RTL4: variants seen among roughly 807,000 people sequenced by gnomAD.
RTL4 encodes retrotransposon Gag like 4.
Under a neutral mutation model 5.3 loss-of-function variants are expected in RTL4, and 4 were observed. The observed-to-expected ratio is 0.75, with a 90% confidence interval of 0.37 to 1.72. The LOEUF is 1.72. RTL4 is among the 40% of genes most tolerant of loss of function. RTL4 has a pLI of 0.04. For missense variants in RTL4, 260 were observed against 227.1 expected (o/e 1.14, Z -0.93); for synonymous variants, 98 against 87.3 (o/e 1.12, Z -0.68).
At chrX:112,109,796 G>A in the RTL4 span, among the ~76,000 whole-genome samples, 1 of 111,504 alleles carries the variant, frequency 9.0e-6, no homozygotes, top group Admixed American at 9.5e-5. Context: ...TGGGAATTGG[G>A]CGATGACCAC....
At chrX:112,411,436 T>C in the RTL4 span, among the ~76,000 whole-genome samples, 1 of 111,257 alleles carries the variant, frequency 9.0e-6, no homozygotes, top group Non-Finnish European at 1.9e-5. Flanking sequence ...CTGATGAACA[T>C]TGATGCAAAA....
chrX:112,447,870 T>C, the RTL4 span, among the ~76,000 whole-genome samples: 1 of 111,934 alleles, frequency 8.9e-6, no homozygotes, highest in Admixed American at 9.5e-5. Flanking sequence ...ACAGAGAGTC[T>C]TAAACATGGC....
At chrX:112,266,451 A>G in the RTL4 span, among the ~76,000 whole-genome samples, 1 of 108,758 alleles carries the variant, frequency 9.2e-6, no homozygotes, top group Admixed American at 9.9e-5. Flanking sequence ...GTTATTTAGG[A>G]CTCCTCAAGA....
chrX:112,138,928 CTT>C, the RTL4 span, among the ~76,000 whole-genome samples: 1 of 111,442 alleles, frequency 9.0e-6, no homozygotes, highest in East Asian at 2.8e-4. Flanking sequence ...TTCAGATTCT[CTT>C]TGTTTTTAAA....
At chrX:112,135,814 T>C in the RTL4 span, among the ~76,000 whole-genome samples, 1 of 109,272 alleles carries the variant, frequency 9.2e-6, no homozygotes, top group Non-Finnish European at 1.9e-5. Context: ...ATTAATTGAC[T>C]ATATAATTAA....
At chrX:112,271,068 A>C in the RTL4 span, among the ~76,000 whole-genome samples, 4 of 109,334 alleles carry the variant, frequency 3.7e-5, no homozygotes, top group Admixed American at 2.0e-4. Flanking sequence ...AAAAAAAAAA[A>C]AAACCCACAA....
the RTL4 span, among the ~76,000 whole-genome samples, chrX:112,294,197 G>T: frequency 1.8e-5 from 2 of 111,819 alleles, no homozygotes; most frequent in African/African-American, 6.5e-5. Flanking sequence ...TGTACTAATT[G>T]CTGAGTGCTT....
the RTL4 span, among the ~76,000 whole-genome samples, chrX:112,222,724 C>T: frequency 5.4e-5 from 6 of 110,638 alleles, no homozygotes; most frequent in Admixed American, 5.8e-4. Flanking sequence ...CAGAGCAAGA[C>T]CGTGACTTAA....
At chrX:112,127,444 G>T in the RTL4 span, among the ~76,000 whole-genome samples, 11 of 111,421 alleles carry the variant, frequency 9.9e-5, no homozygotes, top group Non-Finnish European at 1.9e-4. Flanking sequence ...CATCATAAAG[G>T]GTATTCATGA....
chrX:112,161,850 T>TTTCTTTCTTTCTTTCC, the RTL4 span, among the ~76,000 whole-genome samples: 1 of 43,875 alleles, frequency 2.3e-5, no homozygotes, highest in Admixed American at 3.4e-4. Context: ...CCTTCCTTTC[T>TTTCTTTCTTTCTTTCC]TTCTTTCTTT....
chrX:112,298,204 CTGTT>C, the RTL4 span, among the ~76,000 whole-genome samples: 2 of 112,128 alleles, frequency 1.8e-5, no homozygotes, highest in African/African-American at 6.5e-5. Flanking sequence ...AGAGTACTTT[CTGTT>C]TGTTTTAGCT....
chrX:112,180,185 G>A, the RTL4 span, among the ~76,000 whole-genome samples: 1 of 111,005 alleles, frequency 9.0e-6, no homozygotes, highest in Non-Finnish European at 1.9e-5. Flanking sequence ...GGGTTTGTTG[G>A]AGGAAAACCA....
the RTL4 span, among the ~76,000 whole-genome samples, chrX:112,096,624 C>A: frequency 9.0e-6 from 1 of 111,070 alleles, no homozygotes. Context: ...GCTTCATCAG[C>A]AGCTTTACAT....
chrX:112,339,182 C>G, the RTL4 span, among the ~76,000 whole-genome samples: 10 of 111,797 alleles, frequency 8.9e-5, no homozygotes, highest in Non-Finnish European at 1.9e-4. Context: ...AGAAAGAGTT[C>G]TGTTGGTTGA....
At chrX:112,394,219 T>C in the RTL4 span, among the ~76,000 whole-genome samples, 129 of 110,970 alleles carry the variant, frequency 1.2e-3, no homozygotes, top group South Asian at 3.1e-3. Flanking sequence ...GCCTTGCTTT[T>C]CTCCATTCTC....
At chrX:112,363,441 T>C in the RTL4 span, among the ~76,000 whole-genome samples, 1 of 111,047 alleles carries the variant, frequency 9.0e-6, no homozygotes, top group Non-Finnish European at 1.9e-5. Flanking sequence ...ATAAACTTCC[T>C]GCTTATTCTG....
At chrX:112,448,036 G>A in the RTL4 span, among the ~76,000 whole-genome samples, 502 of 111,511 alleles carry the variant, frequency 4.5e-3, 2 homozygotes, top group African/African-American at 0.016. Context: ...ACAGGGACCT[G>A]GAAATCCAAA....
chrX:112,399,709 G>A, the RTL4 span, among the ~76,000 whole-genome samples: 1 of 111,033 alleles, frequency 9.0e-6, no homozygotes, highest in East Asian at 2.8e-4. Flanking sequence ...CATTCATTTT[G>A]ATCAATCTAG....
chrX:112,344,227 C>G, the RTL4 span, among the ~76,000 whole-genome samples: 1 of 110,202 alleles, frequency 9.1e-6, no homozygotes, highest in Non-Finnish European at 1.9e-5. Context: ...ACAACTCCCT[C>G]AAGCCCACCT....
Sources: allele counts gnomAD v4.1 joint callset (sites outside exome capture counted in the v4.1 genomes callset), GRCh38; gene constraint gnomAD v4.1.1; transcripts MANE v1.5; gene names NCBI Gene and HGNC (gene_info 2026-07-23, HGNC 2026-07-21).